Variants in AGAP1 observed in about 807,000 individuals in gnomAD.
The protein encoded by AGAP1 is ArfGAP with GTPase domain, ankyrin repeat and PH domain 1, also known as arf-GAP with GTPase, ANK repeat and PH domain-containing protein 1.
In AGAP1, 29 loss-of-function variants were observed where a neutral mutation model predicts 105.3. The observed-to-expected ratio is 0.28, with a 90% confidence interval of 0.21 to 0.38. The LOEUF is 0.38. Among genes scored for constraint, AGAP1 ranks in the 10% least tolerant of loss-of-function variants. The pLI, the probability that AGAP1 is intolerant of heterozygous loss-of-function variation, is 1.00. For synonymous variants in AGAP1, 509 were observed against 485.9 expected (o/e 1.05, Z -0.63); for missense variants, 998 against 1,165.1 (o/e 0.86, Z 2.09).
At chr2:235,775,025 G>A (rs1250533651) in intron 6 of AGAP1, among the ~76,000 whole-genome samples, 2 of 152,078 alleles carry the variant, frequency 1.3e-5, no homozygotes, top group Non-Finnish European at 2.9e-5. Flanking sequence ...GTAAATTCTG[G>A]GAAAGTTTGA....
intron 12 of AGAP1, among the ~76,000 whole-genome samples, chr2:235,939,512 A>G (rs1012401571): frequency 3.3e-5 from 5 of 151,558 alleles, no homozygotes; most frequent in Non-Finnish European, 7.4e-5. Flanking sequence ...GCCCAACACC[A>G]TGGCCCTCTG....
In AGAP1 at chr2:235,976,454, C is replaced by G. The variant is rs1198269562; in HGVS notation, c.1645+7831C>G. 6.6e-6 allele frequency among the ~76,000 whole-genome samples: 1 copy of G among 152,198 alleles called. No individual in the cohort carries two copies. Among genetic ancestry groups the G allele is most frequent in the Non-Finnish European group, 1.5e-5 (1 of 68,032 alleles). Reference sequence around the variant, plus strand: ...CGGAAATAAACAAAGATGAGTCGATCACAGCAGGGGCAGCCAGAACGGAAG... The same window carrying G: ...CGGAAATAAACAAAGATGAGTCGATGACAGCAGGGGCAGCCAGAACGGAAG... On this transcript the variant is annotated intron_variant, in intron 13 of 17. Coordinates refer to ENST00000304032, the MANE Select transcript of AGAP1 (RefSeq NM_001037131.3). The surrounding 1 kb of genome is among the most constrained non-coding windows in gnomAD (Gnocchi z 4.5).
intron 16 of AGAP1, among the ~76,000 whole-genome samples, chr2:236,085,133 G>A (rs573610070): frequency 4.2e-5 from 6 of 142,398 alleles, no homozygotes; most frequent in South Asian, 4.6e-4. Context: ...GGAGAATCAC[G>A]TGAACCCGGG....
chr2:235,497,514 A>G (rs1274577434), intron 1 of AGAP1, among the ~76,000 whole-genome samples: 2 of 152,226 alleles, frequency 1.3e-5, no homozygotes, highest in Non-Finnish European at 2.9e-5. Flanking sequence ...ATTTCCAGCT[A>G]GGGATTTTTT....
intron 1 of AGAP1, among the ~76,000 whole-genome samples, chr2:235,525,636 T>A (rs1942804718): frequency 6.8e-6 from 1 of 147,024 alleles, no homozygotes; most frequent in African/African-American, 2.5e-5. Context: ...AGAGGACTGA[T>A]TTATAAAGTA....
rs917920979 is a variant in AGAP1 at position 235,973,772 on chromosome 2, G to C, written c.1645+5149G>C. ...GAACCAGGGCCACCTGAGAGGGAGT[G>C]ACCCCGACCCTGCATGGGGTCGGCA... is the stretch of plus-strand genomic sequence containing the variant. On this transcript the variant is annotated intron_variant, in intron 13 of 17. Coordinates refer to ENST00000304032, the MANE Select transcript of AGAP1 (RefSeq NM_001037131.3). The surrounding 1 kb of genome is among the most constrained non-coding windows in gnomAD (Gnocchi z 4.7). 6.6e-6 allele frequency among the ~76,000 whole-genome samples: 1 copy of C among 152,152 alleles called. No homozygotes were observed. The highest frequency in any genetic ancestry group is 2.4e-5 in the African/African-American group (1 of 41,450).
intron 1 of AGAP1, among the ~76,000 whole-genome samples, chr2:235,613,900 C>T (rs932064677): frequency 6.6e-6 from 1 of 152,144 alleles, no homozygotes; most frequent in Non-Finnish European, 1.5e-5. Flanking sequence ...TGGCCTTGTC[C>T]ATCTGCTGTG....
At chr2:235,576,867 A>G (rs913973763) in intron 1 of AGAP1, among the ~76,000 whole-genome samples, 2 of 152,208 alleles carry the variant, frequency 1.3e-5, no homozygotes, top group South Asian at 2.1e-4. Context: ...TGGACCCATC[A>G]TGGGACAATT....
intron 13 of AGAP1, among the ~76,000 whole-genome samples, chr2:236,008,921 C>T (rs777101015): frequency 1.3e-5 from 2 of 152,148 alleles, no homozygotes; most frequent in African/African-American, 2.4e-5. Flanking sequence ...TTTTGTGGCT[C>T]CAAATTACGA....
At chr2:235,783,254 G>A (rs1435553045) in intron 6 of AGAP1, 8 of 419,444 alleles carry the variant, frequency 1.9e-5, no homozygotes, top group Non-Finnish European at 3.4e-5. Context: ...AAAAAAAAGA[G>A]TTGAATTTAT....
Position 236,082,736 on chromosome 2 carries a change from C to T in AGAP1, c.2114+33455C>T, listed in dbSNP as rs112250289. 5.3e-3 allele frequency among the ~76,000 whole-genome samples: 809 copies of T among 152,018 alleles called. 7 individuals are homozygous for T. The highest frequency in any genetic ancestry group is 0.019 in the African/African-American group (773 of 41,454). ...TAAAAATACAAAAATTAGCCTGGCG[C>T]GGTGGCAGGCACCTATGATCCCAGC... On this transcript the variant is annotated intron_variant, in intron 16 of 17. Transcript: ENST00000304032. The surrounding 1 kb of genome is among the most constrained non-coding windows in gnomAD (Gnocchi z 4.2).
At position 236,035,070 on chromosome 2, in the gene AGAP1, G is replaced by A. The variant is rs997592584; in HGVS notation, c.1646-1491G>A. Among the ~76,000 whole-genome samples the A allele has an allele frequency of 6.6e-6, 1 of 152,218 alleles. No individual in the cohort carries two copies. The highest frequency in any genetic ancestry group is 1.5e-5 in the Non-Finnish European group (1 of 68,028). On this transcript the variant is annotated intron_variant, in intron 13 of 17. Transcript: ENST00000304032. This position sits in a 1 kb window ranked among gnomAD's most constrained non-coding sequence, Gnocchi z 4.2. ...GCATTGTGAGGAAGGGCCTGGGAGA[G>A]CCAGTCTAGGTGAGGTCAGTAAGCC...
At chr2:236,068,495 GTTC>G (rs1335903507) in intron 16 of AGAP1, among the ~76,000 whole-genome samples, 1 of 151,974 alleles carries the variant, frequency 6.6e-6, no homozygotes, top group Non-Finnish European at 1.5e-5. Context: ...TGACCTAGCA[GTTC>G]TTCTCTTAAC....
At chr2:236,037,635 T>A (rs575414944) in intron 14 of AGAP1, among the ~76,000 whole-genome samples, 2 of 152,284 alleles carry the variant, frequency 1.3e-5, no homozygotes, top group East Asian at 3.9e-4. Context: ...CTCAAACTCT[T>A]GGGCTCAAGC....
chr2:236,024,107 T>G (rs564527912), intron 13 of AGAP1, among the ~76,000 whole-genome samples: 256 of 143,656 alleles, frequency 1.8e-3, no homozygotes, highest in Admixed American at 5.4e-3. Flanking sequence ...CTTGGCTCAC[T>G]ACAACCTCCG....
In AGAP1 at chr2:236,114,222, T is replaced by TG. The variant is rs1034469674; in HGVS notation, c.2115-5966dup. Among the ~76,000 whole-genome samples the TG allele has an allele frequency of 6.6e-6, 1 of 152,060 alleles. No homozygotes were observed. The highest frequency in any genetic ancestry group is 2.4e-5 in the African/African-American group (1 of 41,414). ...TGCCTGCTCTTGAACTGGCCTTCCTTGGGGAAAATGAAAGGCTCAGCCAAG... is the reference window on the plus strand; with the variant it reads ...TGCCTGCTCTTGAACTGGCCTTCCTTGGGGGAAAATGAAAGGCTCAGCCAAG... On this transcript the variant is annotated intron_variant, in intron 16 of 17. Coordinates refer to ENST00000304032, the MANE Select transcript of AGAP1 (RefSeq NM_001037131.3). This position sits in a 1 kb window ranked among gnomAD's most constrained non-coding sequence, Gnocchi z 5.0.
chr2:235,912,911 T>C (rs934238026), intron 11 of AGAP1, among the ~76,000 whole-genome samples: 2 of 152,204 alleles, frequency 1.3e-5, no homozygotes, highest in Non-Finnish European at 1.5e-5. Flanking sequence ...ATGTATTAGG[T>C]GTATGTGTTT....
chr2:235,938,414 G>A (rs951577282), intron 12 of AGAP1, among the ~76,000 whole-genome samples: 4 of 152,232 alleles, frequency 2.6e-5, no homozygotes, highest in Non-Finnish European at 5.9e-5. Context: ...CCCCTGCTGC[G>A]CGTATGAAGA....
In AGAP1 at chr2:235,866,546, AG is replaced by A. The variant is rs755207953; in HGVS notation, c.1051-16798del. 5.9e-5 allele frequency among the ~76,000 whole-genome samples: 9 copies of A among 152,206 alleles called. No homozygotes were observed. Among genetic ancestry groups the A allele is most frequent in the Non-Finnish European group, 1.0e-4 (7 of 68,032 alleles). On this transcript the variant is annotated intron_variant, in intron 9 of 17. Coordinates refer to ENST00000304032, the MANE Select transcript of AGAP1 (RefSeq NM_001037131.3). This position sits in a 1 kb window ranked among gnomAD's most constrained non-coding sequence, Gnocchi z 6.1. ...ACCACCTCCCATGCTGGGTGCCATC[AG>A]TGTGCTGGAGGGGGAAGGGGGAGAC...
Sources: allele counts gnomAD v4.1 joint callset (sites outside exome capture counted in the v4.1 genomes callset), GRCh38; gene constraint gnomAD v4.1.1; non-coding constraint Gnocchi (gnomAD v3.1); transcripts MANE v1.5; gene names NCBI Gene and HGNC (gene_info 2026-07-23, HGNC 2026-07-21).